CTU2: variants seen among roughly 807,000 people sequenced by gnomAD.
CTU2 encodes cytoplasmic tRNA 2-thiolation protein 2.
In CTU2, 80 loss-of-function variants were observed where a neutral mutation model predicts 64.1. The observed-to-expected ratio is 1.25, with a 90% CI of 1.04 to 1.50. The LOEUF (loss-of-function observed/expected upper bound fraction) is 1.50. Ranked by LOEUF, CTU2 falls within the 40% of genes most tolerant of loss-of-function variation. The probability of loss-of-function intolerance (pLI) is 0.00; values close to 1 mark genes in which losing one functional copy is unlikely to be tolerated. For missense variants in CTU2, 1,110 were observed against 690.2 expected (o/e 1.61, Z -6.81); for synonymous variants, 482 against 285.3 (o/e 1.69, Z -6.95).
At position 88,714,753 on chromosome 16, in the gene CTU2, T is replaced by C. The variant is rs1218091200; in HGVS notation, c.1352+16T>C. ...CCTGCAGGAGGTGAGTCCCTGTCCC[T>C]GCCACCCATGGCCAGCTGCATGGGG... is the stretch of plus-strand genomic sequence containing the variant. On this transcript the variant is annotated intron_variant, in intron 12 of 14. Transcript: ENST00000453996. 1.2e-6 allele frequency: 2 copies of C among 1,605,622 alleles called. No homozygotes were observed. The highest frequency in any genetic ancestry group is 2.2e-5 in the East Asian group (1 of 44,648).
chr16:88,711,268 C>T (rs1490857235), intron 4 of CTU2, among the ~76,000 whole-genome samples: 1 of 152,154 alleles, frequency 6.6e-6, no homozygotes, highest in Admixed American at 6.5e-5. Flanking sequence ...CTGTTGGTTT[C>T]TGCTTGTGAG....
chr16:88,713,818 A>C (rs754425574), intron 9 of CTU2, 40 bp downstream of exon 9: 1 of 1,609,950 alleles, frequency 6.2e-7, no homozygotes, highest in African/African-American at 1.3e-5. Context: ...CACCATTGAC[A>C]CCGGGGTGGG....
chr16:88,707,239 G>T, intron 2 of CTU2, 29 bp downstream of exon 2: 1 of 1,603,864 alleles, frequency 6.2e-7, no homozygotes, highest in African/African-American at 1.3e-5. Flanking sequence ...TGAGACCCTG[G>T]CAAACATGGC....
At chr16:88,711,154 C>T (rs1313301387) in intron 4 of CTU2, among the ~76,000 whole-genome samples, 1 of 152,172 alleles carries the variant, frequency 6.6e-6, no homozygotes, top group African/African-American at 2.4e-5. Context: ...TTTCTGAGGT[C>T]CCCTGAACCT....
At chr16:88,713,800 A>C (rs867388256) in intron 9 of CTU2, 22 bp downstream of exon 9, 26 of 1,610,690 alleles carry the variant, frequency 1.6e-5, no homozygotes, top group Non-Finnish European at 2.2e-5. Flanking sequence ...GGGCTGGGCA[A>C]CCTCTCTCAC....
rs764818658 is a variant in CTU2, at chr16:88,711,627, C to T, written c.283-8C>T. On this transcript the variant is annotated splice_region_variant and splice_polypyrimidine_tract_variant and intron_variant, in intron 4 of 14. Transcript: ENST00000453996. The stretch of plus-strand genomic sequence containing the variant: ...TGGGGGCTGAGTCCCTGCTGCTTCT[C>T]CCTCTAGGGCCTGAGCCAAGATTCT... 8 of 1,593,648 alleles carry T rather than the reference C, an allele frequency of 5.0e-6. No individual in the cohort carries two copies. The highest frequency in any genetic ancestry group is 4.0e-5 in the African/African-American group (3 of 74,514).
At chr16:88,708,406 C>A (rs772694412) in intron 2 of CTU2, among the ~76,000 whole-genome samples, 1 of 152,162 alleles carries the variant, frequency 6.6e-6, no homozygotes, top group East Asian at 1.9e-4. Context: ...GGAGCCCAGA[C>A]GCAGCATGTA....
intron 9 of CTU2, 22 bp from the exon 10 acceptor site, chr16:88,714,114 C>T (rs755522715): frequency 7.5e-6 from 12 of 1,609,372 alleles, no homozygotes; most frequent in Middle Eastern, 1.6e-4. Flanking sequence ...TTTCCCATAG[C>T]CTCCAATCTG....
intron 2 of CTU2, chr16:88,709,670 G>C (rs1911161474): frequency 4.1e-6 from 2 of 491,472 alleles, no homozygotes; most frequent in Non-Finnish European, 3.6e-6. Context: ...CCGGGGCTCT[G>C]CCCTCGTTTG....
Position 88,714,384 on chromosome 16 carries a change from A to G in CTU2, c.1099A>G (p.Thr367Ala), listed in dbSNP as rs1296700044. ...FPSTVSTVYR[T>A]SEKLVKGPRD... ...GCTCCTCCCACAATCCGGCCACAGG[A>G]CAAGTGAGAAGCTGGTGAAGGGCCC... Residue 367 changes from threonine to alanine, a missense_variant and splice_region_variant, in exon 11 of 15, where the codon ACA becomes GCA. Thr to Ala is a moderately conservative substitution (Grantham distance 58). Transcript: ENST00000453996. 6.2e-7 allele frequency: 1 copy of G among 1,612,348 alleles called. No homozygotes were observed. The highest frequency in any genetic ancestry group is 8.5e-7 in the Non-Finnish European group (1 of 1,179,770).
chr16:88,715,055 T>C lies in CTU2; in HGVS notation c.1427T>C (p.Leu476Pro). The C allele has an allele frequency of 6.4e-7, 1 of 1,573,384 alleles. No individual in the cohort carries two copies. The highest frequency in any genetic ancestry group is 8.6e-7 in the Non-Finnish European group (1 of 1,158,326). The part of the protein sequence containing the change: ...CRVNMKDLPS[L>P]DPLPPYILAE... ...CACCGGCCTCTGTTGCAGCCCTCAC[T>C]GGACCCCCTGCCGCCGTACATCCTG... Residue 476 changes from leucine (L) to proline (P), a missense_variant, in exon 14 of 15, where the codon CTG (leucine) becomes CCG (proline). Leu to Pro is a moderately conservative substitution (Grantham distance 98). Transcript: ENST00000453996.
chr16:88,715,384 A>AAACTC lies in CTU2; in HGVS notation c.*134_*138dup. The stretch of plus-strand genomic sequence containing the variant: ...ATAAAACATTTTTTAATTAAAAAAA[A>AAACTC]AACTCTACAGTACACGTGGGGGACG... On this transcript the variant is annotated 3_prime_UTR_variant, in exon 15 of 15. Transcript: ENST00000453996. The AAACTC allele has an allele frequency of 9.0e-7, 1 of 1,109,408 alleles. No homozygotes were observed. The highest frequency in any genetic ancestry group is 2.7e-5 in the Admixed American group (1 of 37,022). 68.7% of individuals were successfully genotyped at this position (1,109,408 alleles called of 1,614,324 possible).
Position 88,712,686 on chromosome 16 carries a change from C to T in CTU2, c.518C>T (p.Ala173Val), listed in dbSNP as rs1911433040. 1 of 1,610,396 alleles carries T rather than the reference C, an allele frequency of 6.2e-7. No individual in the cohort carries two copies. The highest frequency in any genetic ancestry group is 8.5e-7 in the Non-Finnish European group (1 of 1,179,484). The change falls in exon 7 of 15, where the codon GCC becomes GTC. Residue 173 changes from alanine to valine, a missense_variant. Coordinates refer to ENST00000453996, the MANE Select transcript of CTU2 (RefSeq NM_001012759.3). ...CAGGAGCTGGTGGGATCCGAGGGGG[C>T]CTACAAGGCGGCCGTGGACAGCTTC... Reference protein sequence around the residue: ...SAQELVGSEGAYKAAVDSFLQ... With the variant: ...SAQELVGSEGVYKAAVDSFLQ...
Position 88,707,216 on chromosome 16 carries a change from G to A in CTU2, c.143+6G>A, listed in dbSNP as rs1910938144. 4 of 1,613,528 alleles carry A rather than the reference G, an allele frequency of 2.5e-6. No homozygotes were observed. Among genetic ancestry groups the A allele is most frequent in the South Asian group, 1.1e-5 (1 of 91,088 alleles). On this transcript the variant is annotated splice_donor_region_variant and intron_variant, in intron 2 of 14. Coordinates refer to ENST00000453996, the MANE Select transcript of CTU2 (RefSeq NM_001012759.3). The stretch of plus-strand genomic sequence containing the variant: ...GCCGGAGATGCCTTCTGCAGGTGAG[G>A]CCTGGAGGTGGCTGAGACCCTGGCA...
At chr16:88,715,139 T>G in intron 14 of CTU2, 33 bp downstream of exon 14, 1 of 1,607,304 alleles carries the variant, frequency 6.2e-7, no homozygotes, top group South Asian at 1.1e-5. Context: ...GGCGCGTGGG[T>G]AAGGGGCCTC....
At chr16:88,710,491 A>G (rs1015040965) in intron 4 of CTU2, 16 of 579,864 alleles carry the variant, frequency 2.8e-5, no homozygotes, top group Admixed American at 1.6e-4. Flanking sequence ...CCACTCTCAG[A>G]TGTGTTTACA....
At position 88,715,078 on chromosome 16, in the gene CTU2, C is replaced by G. The variant is rs773903701; in HGVS notation, c.1450C>G (p.Leu484Val). Residue 484 changes from leucine to valine, a missense_variant, in exon 14 of 15, where the codon CTG (leucine) becomes GTG (valine). Coordinates refer to ENST00000453996, the MANE Select transcript of CTU2 (RefSeq NM_001012759.3). ...ACTGGACCCCCTGCCGCCGTACATC[C>G]TGGCTGAGGCCCAGCTCCGCACACA... Reference protein sequence around the residue: ...PSLDPLPPYILAEAQLRTQRA... With the variant: ...PSLDPLPPYIVAEAQLRTQRA... 2 of 1,575,826 alleles carry G rather than the reference C, an allele frequency of 1.3e-6. No homozygotes were observed. Among genetic ancestry groups the G allele is most frequent in the East Asian group, 2.2e-5 (1 of 44,446 alleles).
chr16:88,712,885 G>A lies in CTU2; in HGVS notation c.717G>A (p.Glu239=), dbSNP rs746463376. ...CAGTGAGGACACTGACTGCCAAGGA[G>A]GAGCTTCTGCAGACCCTGCGGTGAG... is the stretch of plus-strand genomic sequence containing the variant. The part of the protein sequence containing the change: ...FCSVRTLTAK[E]ELLQTLRTHL... Residue 239 remains glutamate (E), a synonymous_variant, in exon 7 of 15, where the codon GAG becomes GAA. Coordinates refer to ENST00000453996, the MANE Select transcript of CTU2 (RefSeq NM_001012759.3). 1.3e-6 allele frequency: 2 copies of A among 1,531,714 alleles called. No homozygotes were observed. The highest frequency in any genetic ancestry group is 2.3e-5 in the East Asian group (1 of 43,702). The allele number at this position is 1,531,714 out of a possible 1,614,324, so 94.9% of individuals were successfully genotyped here. A position where few individuals can be genotyped will look rare whatever the true frequency, so the allele number is the denominator to read the frequency against.
Position 88,714,374 on chromosome 16 carries a change from C to G in CTU2, c.1098-9C>G. The G allele has an allele frequency of 6.2e-7, 1 of 1,612,200 alleles. No homozygotes were observed. Among genetic ancestry groups the G allele is most frequent in the Non-Finnish European group, 8.5e-7 (1 of 1,179,704 alleles). Reference sequence around the variant, plus strand: ...TGATTCACCTGCTCCTCCCACAATCCGGCCACAGGACAAGTGAGAAGCTGG... The same window carrying G: ...TGATTCACCTGCTCCTCCCACAATCGGGCCACAGGACAAGTGAGAAGCTGG... On this transcript the variant is annotated splice_polypyrimidine_tract_variant and intron_variant, in intron 10 of 14. Coordinates refer to ENST00000453996, the MANE Select transcript of CTU2 (RefSeq NM_001012759.3).
Sources: gnomAD v4.1 joint callset for allele counts (sites outside exome capture counted in the v4.1 genomes callset) on GRCh38, gnomAD v4.1.1 for gene constraint, MANE v1.5 for transcripts, NCBI Gene and HGNC (gene_info 2026-07-23, HGNC 2026-07-21) for gene names.